Variants in PTPN4 observed in about 807,000 individuals in gnomAD.
The protein encoded by PTPN4 is protein tyrosine phosphatase non-receptor type 4.
Under a neutral mutation model 135.5 loss-of-function variants are expected in PTPN4, and 49 were observed. The ratio of observed to expected loss-of-function variants is 0.36; its 90% CI spans 0.29 to 0.46. PTPN4 has a LOEUF of 0.46. Among genes scored for constraint, PTPN4 ranks in the 20% least tolerant of loss-of-function variants. The pLI, the probability that PTPN4 is intolerant of heterozygous loss-of-function variation, is 1.00. For synonymous variants in PTPN4, 333 were observed against 369.9 expected (o/e 0.90, Z 1.14); for missense variants, 860 against 1,101.0 (o/e 0.78, Z 3.10).
intron 2 of PTPN4, among the ~76,000 whole-genome samples, chr2:119,830,668 A>G (rs572242684): frequency 1.3e-5 from 2 of 152,192 alleles, no homozygotes; most frequent in African/African-American, 2.4e-5. Flanking sequence ...GGGTTTCACC[A>G]TGTTGGCCAA....
At chr2:119,841,049 TTTTTTTC>T (rs1677373413) in intron 2 of PTPN4, among the ~76,000 whole-genome samples, 3 of 152,198 alleles carry the variant, frequency 2.0e-5, no homozygotes, top group South Asian at 2.1e-4. Context: ...GGCTTTTTTC[TTTTTTTC>T]TTTTTTCTTT....
At chr2:119,848,826 T>A (rs1346709426) in intron 2 of PTPN4, among the ~76,000 whole-genome samples, 1 of 147,816 alleles carries the variant, frequency 6.8e-6, no homozygotes. Flanking sequence ...GTCTCAAACT[T>A]CTGACCTCGT....
chr2:119,836,358 T>G (rs72836828), intron 2 of PTPN4, among the ~76,000 whole-genome samples: 3,165 of 152,318 alleles, frequency 0.021, 60 homozygotes, highest in Non-Finnish European at 0.033. Flanking sequence ...GATCAGGTCT[T>G]TCTTGTAGTT....
intron 15 of PTPN4, among the ~76,000 whole-genome samples, chr2:119,935,557 GT>G (rs369379211): frequency 3.5e-4 from 53 of 152,234 alleles, no homozygotes; most frequent in African/African-American, 1.3e-3. Flanking sequence ...ACAAGTAGGA[GT>G]TCAGCCTGCG....
At chr2:119,904,140 C>T (rs1024592096) in intron 10 of PTPN4, among the ~76,000 whole-genome samples, 3 of 151,592 alleles carry the variant, frequency 2.0e-5, no homozygotes, top group African/African-American at 7.3e-5. Flanking sequence ...TAAAGAAATG[C>T]AATGATATAT....
At chr2:119,807,710 C>T (rs1574344817) in intron 1 of PTPN4, among the ~76,000 whole-genome samples, 1 of 152,310 alleles carries the variant, frequency 6.6e-6, no homozygotes, top group Non-Finnish European at 1.5e-5. Flanking sequence ...AGAGAATCCT[C>T]CCTAACTCAT....
chr2:119,765,465 T>G (rs1690597961), intron 1 of PTPN4, among the ~76,000 whole-genome samples: 1 of 152,230 alleles, frequency 6.6e-6, no homozygotes, highest in Non-Finnish European at 1.5e-5. Context: ...ACAGTGGTTG[T>G]TCTTGTTTTG....
intron 1 of PTPN4, among the ~76,000 whole-genome samples, chr2:119,793,389 C>T (rs1458102878): frequency 3.3e-5 from 5 of 152,162 alleles, no homozygotes; most frequent in African/African-American, 7.2e-5. Context: ...CCCTGAACAT[C>T]GCTGTTATCC....
chr2:119,921,876 G>T (rs1246841810), intron 12 of PTPN4, among the ~76,000 whole-genome samples: 2 of 151,856 alleles, frequency 1.3e-5, no homozygotes, highest in African/African-American at 4.8e-5. Context: ...GGTTACCAGG[G>T]TAGTTATACA....
chr2:119,846,895 C>T (rs572928367), intron 2 of PTPN4, among the ~76,000 whole-genome samples: 33 of 151,354 alleles, frequency 2.2e-4, no homozygotes, highest in Non-Finnish European at 3.7e-4. Context: ...CCTCTTTCCC[C>T]TTCTTGTGCT....
rs575098172 is a variant in PTPN4 at position 119,955,222 on chromosome 2, G to A, written c.1879G>A (p.Ala627Thr). ...AGATTTCCAGTATATTCCTGAGAAA[G>A]CCCCACTAGATAGTGTGCATCAGGA... ...EPDFQYIPEK[A>T]PLDSVHQDDH... The change falls in exon 20 of 27, where the codon GCC (alanine) becomes ACC (threonine). Residue 627 changes from alanine to threonine, a missense_variant. This residue lies in a region of PTPN4 where 684 missense variants were observed against 807.0 expected (regional missense o/e 0.85). Transcript: ENST00000263708. 1.1e-4 allele frequency: 180 copies of A among 1,613,274 alleles called. 2 individuals are homozygous for A. In the South Asian group the frequency reaches 1.9e-3, roughly 17 times the overall value.
rs774829170 is a variant in PTPN4 at position 119,881,780 on chromosome 2, T to G, written c.369-6T>G. 1 of 1,544,726 alleles carries G rather than the reference T, an allele frequency of 6.5e-7. No individual in the cohort carries two copies. The highest frequency in any genetic ancestry group is 1.4e-5 in the African/African-American group (1 of 72,944). On this transcript the variant is annotated splice_polypyrimidine_tract_variant and splice_region_variant and intron_variant, in intron 5 of 26. Transcript: ENST00000263708. ...ATGCTATCCTTTTTGTTTGTTTGTT[T>G]TTAAGGTACCAGTATTTTTTGCAAA...
chr2:119,864,164 A>T (rs1235474378), intron 3 of PTPN4, among the ~76,000 whole-genome samples: 1 of 152,158 alleles, frequency 6.6e-6, no homozygotes, highest in African/African-American at 2.4e-5. Context: ...CAGAAATAAC[A>T]TTGGTTAGCG....
At chr2:119,855,092 G>A (rs942205113) in intron 2 of PTPN4, among the ~76,000 whole-genome samples, 45 of 152,008 alleles carry the variant, frequency 3.0e-4, no homozygotes, top group African/African-American at 1.0e-3. Flanking sequence ...CAAGGAGAGG[G>A]GTGCCCATAA....
intron 1 of PTPN4, among the ~76,000 whole-genome samples, chr2:119,785,252 A>T (rs1478532337): frequency 6.6e-6 from 1 of 152,216 alleles, no homozygotes; most frequent in Admixed American, 6.5e-5. Context: ...TTTCTCAAAG[A>T]TATTGATATG....
chr2:119,797,067 T>C (rs1189112641), intron 1 of PTPN4, among the ~76,000 whole-genome samples: 1 of 152,200 alleles, frequency 6.6e-6, no homozygotes, highest in African/African-American at 2.4e-5. Flanking sequence ...TTTTTTTCTT[T>C]TTATTTAGTT....
At chr2:119,920,970 A>ATTTT (rs1366300209) in intron 12 of PTPN4, among the ~76,000 whole-genome samples, 2 of 152,110 alleles carry the variant, frequency 1.3e-5, no homozygotes, top group Non-Finnish European at 2.9e-5. Flanking sequence ...ACATAATAAG[A>ATTTT]TTTTTCATCT....
intron 12 of PTPN4, among the ~76,000 whole-genome samples, chr2:119,924,296 C>T (rs1678783564): frequency 6.6e-6 from 1 of 151,640 alleles, no homozygotes; most frequent in South Asian, 2.1e-4. Context: ...TCTTTTATTT[C>T]ACTGGAAACC....
At chr2:119,901,468 C>T (rs1574395595) in intron 10 of PTPN4, among the ~76,000 whole-genome samples, 1 of 152,206 alleles carries the variant, frequency 6.6e-6, no homozygotes, top group Non-Finnish European at 1.5e-5. Context: ...ACGGTTTGTA[C>T]ACAAACATTA....
Sources: allele counts gnomAD v4.1 joint callset (sites outside exome capture counted in the v4.1 genomes callset), GRCh38; gene constraint gnomAD v4.1.1; regional missense constraint gnomAD v4.1.1; transcripts MANE v1.5; gene names NCBI Gene and HGNC (gene_info 2026-07-23, HGNC 2026-07-21).